The following ADD3 variants were observed in gnomAD, a reference collection of about 807,000 sequenced individuals.
ADD3 encodes adducin 3.
In ADD3, 25 loss-of-function variants were observed where a neutral mutation model predicts 80.2. That is an observed-to-expected ratio of 0.31 (90% CI 0.23 to 0.44). The LOEUF (loss-of-function observed/expected upper bound fraction) is 0.44. Among genes scored for constraint, ADD3 ranks in the 20% least tolerant of loss-of-function variants. The probability of loss-of-function intolerance (pLI) is 1.00; values close to 1 mark genes in which losing one functional copy is unlikely to be tolerated. For synonymous variants in ADD3, 284 were observed against 289.6 expected (o/e 0.98, Z 0.20); for missense variants, 829 against 847.5 (o/e 0.98, Z 0.27).
Position 110,100,842 on chromosome 10 carries a change from A to G in ADD3, c.189A>G (p.Gln63=), listed in dbSNP as rs769661014. The G allele has an allele frequency of 1.3e-6, 2 of 1,596,668 alleles. No homozygotes were observed. The highest frequency in any genetic ancestry group is 1.7e-6 in the Non-Finnish European group (2 of 1,172,778). The change falls in exon 2 of 15, where the codon CAA becomes CAG. Residue 63 remains glutamine, a synonymous_variant. Transcript: ENST00000356080. ...EQRKRVTQIL[Q]SPAFREDLEC... ...GGAAACGAGTTACTCAGATCCTGCAAAGTCCTGTGAGTTGAATTAGAAGGC... is the reference window on the plus strand; with the variant it reads ...GGAAACGAGTTACTCAGATCCTGCAGAGTCCTGTGAGTTGAATTAGAAGGC...
At chr10:110,128,612 T>C (rs1485386923) in intron 12 of ADD3, among the ~76,000 whole-genome samples, 1 of 151,884 alleles carries the variant, frequency 6.6e-6, no homozygotes, top group African/African-American at 2.4e-5. Flanking sequence ...AGAGACAGGG[T>C]TTCACCGCGT....
At chr10:110,040,964 G>GTCTCTCTCTGTCTC (rs1856270673) in intron 1 of ADD3, among the ~76,000 whole-genome samples, 1 of 149,402 alleles carries the variant, frequency 6.7e-6, no homozygotes, top group African/African-American at 2.5e-5. Context: ...GTCTCTCTCT[G>GTCTCTCTCTGTCTC]TCTCTCTCTC....
chr10:110,129,150 C>G (rs1197340041), intron 12 of ADD3, among the ~76,000 whole-genome samples: 2 of 138,310 alleles, frequency 1.4e-5, no homozygotes, highest in African/African-American at 5.3e-5. Flanking sequence ...TTCTTTCTTT[C>G]TTTTTTTTTT....
intron 11 of ADD3, among the ~76,000 whole-genome samples, 196 bp from the exon 12 acceptor site, chr10:110,126,216 CGAAAG>C (rs1413156368): frequency 3.3e-5 from 5 of 151,948 alleles, no homozygotes; most frequent in Admixed American, 6.6e-5. Context: ...CAACCTAAGA[CGAAAG>C]GAAATAACTT....
intron 1 of ADD3, among the ~76,000 whole-genome samples, chr10:110,087,788 T>C (rs1193759766): frequency 6.6e-6 from 1 of 152,206 alleles, no homozygotes; most frequent in Non-Finnish European, 1.5e-5. Context: ...TTTGGAACAG[T>C]ATATGTGTTA....
intron 1 of ADD3, among the ~76,000 whole-genome samples, chr10:110,078,911 T>TA (rs1845691608): frequency 6.6e-6 from 1 of 152,232 alleles, no homozygotes; most frequent in African/African-American, 2.4e-5. Context: ...GATTTTTAAA[T>TA]AGATTTTTAT....
chr10:110,011,017 A>C (rs771443566), intron 1 of ADD3, among the ~76,000 whole-genome samples: 1 of 152,024 alleles, frequency 6.6e-6, no homozygotes, highest in African/African-American at 2.4e-5. Flanking sequence ...GATACACAAC[A>C]TATGTTTAGG....
intron 1 of ADD3, among the ~76,000 whole-genome samples, chr10:110,065,048 A>G (rs1321680344): frequency 6.6e-6 from 1 of 152,122 alleles, no homozygotes; most frequent in Admixed American, 6.5e-5. Context: ...TGTTTCAGAA[A>G]AGAAAAAAAA....
At chr10:110,010,024 T>C (rs1197126126) in intron 1 of ADD3, among the ~76,000 whole-genome samples, 1 of 152,228 alleles carries the variant, frequency 6.6e-6, no homozygotes, top group Non-Finnish European at 1.5e-5. Flanking sequence ...GGGAGAAAAT[T>C]ACACACTTTG....
chr10:110,132,241 C>T (rs888800156), intron 13 of ADD3, 64 bp from the exon 14 acceptor site: 1 of 1,159,866 alleles, frequency 8.6e-7, no homozygotes, highest in Admixed American at 1.8e-5. Context: ...GCACTAACCT[C>T]CCTAAAATCA....
Position 110,103,023 on chromosome 10 carries a change from A to G in ADD3, c.195+2175A>G, listed in dbSNP as rs767702203. Among the ~76,000 whole-genome samples the G allele has an allele frequency of 7.9e-5, 12 of 152,364 alleles. No homozygotes were observed. In the East Asian group the frequency reaches 1.7e-3, roughly 22 times the overall value. ...ATGATCACTTTCTGCCCAGAGAGGA[A>G]CAAAGAAGGCTGAGATTTAAAAGAA... On this transcript the variant is annotated intron_variant, in intron 2 of 14. Coordinates refer to ENST00000356080, the MANE Select transcript of ADD3 (RefSeq NM_016824.5).
At chr10:110,018,161 T>C (rs1353593513) in intron 1 of ADD3, among the ~76,000 whole-genome samples, 3 of 152,124 alleles carry the variant, frequency 2.0e-5, no homozygotes, top group Non-Finnish European at 4.4e-5. Flanking sequence ...AATATGTTAC[T>C]TGCCAGTGTG....
At chr10:110,070,943 GT>G (rs11340876) in intron 1 of ADD3, among the ~76,000 whole-genome samples, 27,415 of 102,980 alleles carry the variant, frequency 0.27, 3,478 homozygotes, top group South Asian at 0.52. Flanking sequence ...CATCATGTGG[GT>G]TTTTTTTTTT....
chr10:110,090,008 C>G (rs2133854880), intron 1 of ADD3, among the ~76,000 whole-genome samples: 1 of 152,190 alleles, frequency 6.6e-6, no homozygotes, highest in Admixed American at 6.5e-5. Flanking sequence ...GTAACTGCCT[C>G]TCTTCCTCTC....
intron 8 of ADD3, among the ~76,000 whole-genome samples, chr10:110,120,820 G>C (rs1483658735): frequency 1.3e-5 from 2 of 152,160 alleles, no homozygotes; most frequent in Non-Finnish European, 2.9e-5. Flanking sequence ...AAATGGAACA[G>C]AACGGAGCCC....
intron 2 of ADD3, among the ~76,000 whole-genome samples, chr10:110,111,121 CT>C (rs777207624): frequency 3.5e-4 from 53 of 152,254 alleles, no homozygotes; most frequent in Non-Finnish European, 5.6e-4. Context: ...GAGATTCACC[CT>C]TCTAAAGGAA....
intron 1 of ADD3, among the ~76,000 whole-genome samples, chr10:110,068,422 G>C (rs1844254195): frequency 6.6e-6 from 1 of 152,154 alleles, no homozygotes. Context: ...TACTTACATA[G>C]CATTTACATT....
At chr10:110,103,945 C>T (rs1849127461) in intron 2 of ADD3, among the ~76,000 whole-genome samples, 1 of 152,140 alleles carries the variant, frequency 6.6e-6, no homozygotes, top group African/African-American at 2.4e-5. Flanking sequence ...GCAAAATACA[C>T]TCTTCTTCTC....
chr10:110,116,811 CCAT>C (rs1212071151), intron 4 of ADD3, among the ~76,000 whole-genome samples: 1 of 152,152 alleles, frequency 6.6e-6, no homozygotes, highest in African/African-American at 2.4e-5. Flanking sequence ...TTTCCATTCA[CCAT>C]CATATTTTTA....
Sources: allele counts gnomAD v4.1 joint callset (sites outside exome capture counted in the v4.1 genomes callset), GRCh38; gene constraint gnomAD v4.1.1; transcripts MANE v1.5; gene names NCBI Gene and HGNC (gene_info 2026-07-23, HGNC 2026-07-21).